NDUFA10: variants seen among roughly 807,000 people sequenced by gnomAD.
NDUFA10 encodes the protein NADH:ubiquinone oxidoreductase subunit A10, also known as NADH dehydrogenase [ubiquinone] 1 alpha subcomplex subunit 10, mitochondrial.
Under a neutral mutation model 47.8 loss-of-function variants are expected in NDUFA10, and 40 were observed. That is an observed-to-expected ratio of 0.84 (90% CI 0.65 to 1.09). NDUFA10 has a LOEUF of 1.09. Ranked by LOEUF, NDUFA10 falls within the 50% of genes least tolerant of loss-of-function variation. The pLI is 0.00. For missense variants in NDUFA10, 413 were observed against 451.1 expected, an observed-to-expected ratio of 0.92 and a Z score of 0.76; for synonymous variants, 183 against 172.2, an observed-to-expected ratio of 1.06 and a Z score of -0.49.
intron 4 of NDUFA10, among the ~76,000 whole-genome samples, chr2:239,948,881 T>A (rs1474090838): frequency 6.6e-6 from 1 of 152,186 alleles, no homozygotes; most frequent in Non-Finnish European, 1.5e-5. Flanking sequence ...CAGGGAACAG[T>A]TCACACAAAG....
At chr2:239,997,121 G>A (rs2106456167) in intron 8 of NDUFA10, among the ~76,000 whole-genome samples, 1 of 151,714 alleles carries the variant, frequency 6.6e-6, no homozygotes, top group East Asian at 1.9e-4. Flanking sequence ...TTGAATCCAA[G>A]GATGCGGAAC....
At chr2:239,991,288 C>T (rs1036051928) in intron 8 of NDUFA10, among the ~76,000 whole-genome samples, 1 of 152,148 alleles carries the variant, frequency 6.6e-6, no homozygotes, top group Non-Finnish European at 1.5e-5. Context: ...TAGTAAAAAC[C>T]GCGTCGCTCA....
At chr2:239,938,905 C>T (rs111251705) in intron 4 of NDUFA10, among the ~76,000 whole-genome samples, 1,911 of 152,344 alleles carry the variant, frequency 0.013, 42 homozygotes, top group African/African-American at 0.041. Flanking sequence ...GCGGCCCCCG[C>T]GGACGGCTTG....
chr2:239,910,055 G>A (rs1174241606), intron 4 of NDUFA10, among the ~76,000 whole-genome samples: 1 of 151,930 alleles, frequency 6.6e-6, no homozygotes, highest in Non-Finnish European at 1.5e-5. Context: ...TTAGTAAAAA[G>A]TCAAAAGACA....
intron 4 of NDUFA10, among the ~76,000 whole-genome samples, chr2:239,916,308 GAC>G (rs1331006263): frequency 2.1e-5 from 3 of 144,444 alleles, no homozygotes; most frequent in African/African-American, 5.7e-5. Flanking sequence ...GACACACACA[GAC>G]ACAGATACAC....
In NDUFA10 at chr2:239,899,058, GTGA is replaced by G. The variant is rs762473015; in HGVS notation, c.295-3747_295-3745del. ...TAAAGGAGGGGTGTGATGGAGGAGTGTGATGGAGGGGTGTGATGGAGGAGTGTG... is the reference window on the plus strand; with the variant it reads ...TAAAGGAGGGGTGTGATGGAGGAGTGTGGAGGGGTGTGATGGAGGAGTGTG... On this transcript the variant is annotated intron_variant, in intron 4 of 5. Coordinates refer to the NDUFA10 transcript ENST00000419408. Among the ~76,000 whole-genome samples the G allele has an allele frequency of 1.6e-3, 77 of 48,936 alleles. 8 individuals carry two copies. In the East Asian group the frequency reaches 0.024, roughly 15 times the overall value. The allele number at this position is 48,936 out of a possible 152,430, so 32.1% of individuals were successfully genotyped here.
downstream of NDUFA10, among the ~76,000 whole-genome samples, chr2:239,954,682 TAACTC>T (rs1360868712): frequency 7.9e-5 from 12 of 152,244 alleles, no homozygotes; most frequent in African/African-American, 2.7e-4. Context: ...TGTTTTAAGT[TAACTC>T]AACAGTCTGA....
rs550532335 is a variant in NDUFA10, at chr2:239,959,108, C to G, written c.*2010G>C. 7.4e-5 allele frequency: 73 copies of G among 985,466 alleles called. No homozygotes were observed. In the African/African-American group the frequency reaches 1.3e-3, roughly 17 times the overall value. 61.0% of individuals were successfully genotyped at this position (985,466 alleles called of 1,614,324 possible). A position where few individuals can be genotyped will look rare whatever the true frequency, so the allele number is the denominator to read the frequency against. On this transcript the variant is annotated 3_prime_UTR_variant, in exon 10 of 10. Coordinates refer to ENST00000252711, the MANE Select transcript of NDUFA10 (RefSeq NM_004544.4). The stretch of plus-strand genomic sequence containing the variant: ...CTGAACATGCATGTCATTGAAAACA[C>G]CAGAAAATCAAACAGACGAATGTCC...
At chr2:239,946,880 C>G (rs1229147509) in intron 4 of NDUFA10, among the ~76,000 whole-genome samples, 1 of 152,008 alleles carries the variant, frequency 6.6e-6, no homozygotes, top group African/African-American at 2.4e-5. Context: ...TCTTTGATGT[C>G]CTGCCTAACT....
chr2:239,947,271 G>A (rs142462351), intron 4 of NDUFA10, among the ~76,000 whole-genome samples: 1 of 152,206 alleles, frequency 6.6e-6, no homozygotes, highest in African/African-American at 2.4e-5. Flanking sequence ...GTCATACCAG[G>A]ACAGCCCTAT....
chr2:239,903,023 C>T (rs1026845624), intron 4 of NDUFA10, among the ~76,000 whole-genome samples: 5 of 152,134 alleles, frequency 3.3e-5, no homozygotes, highest in African/African-American at 4.8e-5. Flanking sequence ...GTTTCACAGA[C>T]GTGGAAAGGC....
chr2:239,988,944 A>C (rs775832437), intron 9 of NDUFA10, among the ~76,000 whole-genome samples: 8 of 150,850 alleles, frequency 5.3e-5, no homozygotes, highest in Admixed American at 2.6e-4. Flanking sequence ...GAAAGGGAGA[A>C]ACAGCACACA....
intron 9 of NDUFA10, among the ~76,000 whole-genome samples, chr2:239,978,010 T>A (rs1695598002): frequency 6.6e-6 from 1 of 152,052 alleles, no homozygotes; most frequent in African/African-American, 2.4e-5. Flanking sequence ...CAAACAGTGA[T>A]CTGGCCTGGC....
intron 4 of NDUFA10, among the ~76,000 whole-genome samples, chr2:239,933,517 T>TTG (rs1694212642): frequency 6.7e-6 from 1 of 149,052 alleles, no homozygotes; most frequent in African/African-American, 2.5e-5. Context: ...TTTTTTTGTT[T>TTG]TTTTGTTTTG....
downstream of NDUFA10, among the ~76,000 whole-genome samples, chr2:239,954,053 C>T (rs559936921): frequency 2.0e-5 from 3 of 151,620 alleles, no homozygotes; most frequent in Non-Finnish European, 2.9e-5. Context: ...TTCCCCCTGA[C>T]GGTCAGGCTG....
Position 239,957,526 on chromosome 2 carries a change from A to G in NDUFA10, c.*3592T>C, listed in dbSNP as rs960917822. 9 of 152,252 alleles carry G rather than the reference A, an allele frequency of 5.9e-5. No homozygotes were observed. Among genetic ancestry groups the G allele is most frequent in the African/African-American group, 2.2e-4 (9 of 41,470 alleles). 9.4% of individuals were successfully genotyped at this position (152,252 alleles called of 1,614,324 possible). A position where few individuals can be genotyped will look rare whatever the true frequency, so the allele number is the denominator to read the frequency against. ...CACTTGTGAAAAATTTACTATTAAA[A>G]TAATTTTTAAATTAAGAATTTTAAA... On this transcript the variant is annotated 3_prime_UTR_variant, in exon 10 of 10. Coordinates refer to ENST00000252711, the MANE Select transcript of NDUFA10 (RefSeq NM_004544.4).
chr2:239,932,070 G>A (rs776937746), intron 4 of NDUFA10, among the ~76,000 whole-genome samples: 2 of 150,928 alleles, frequency 1.3e-5, no homozygotes, highest in Non-Finnish European at 2.9e-5. Context: ...TCCTGACCTC[G>A]TGATCCACCC....
rs1694100570 is a variant in NDUFA10, at chr2:239,928,383, A to G, written c.295-33069T>C. Among the ~76,000 whole-genome samples, 1 of 152,234 alleles carries G rather than the reference A, an allele frequency of 6.6e-6. No individual in the cohort carries two copies. The highest frequency in any genetic ancestry group is 6.5e-5 in the Admixed American group (1 of 15,290). On this transcript the variant is annotated intron_variant, in intron 4 of 5. Coordinates refer to the NDUFA10 transcript ENST00000419408. This position sits in a 1 kb window ranked among gnomAD's most constrained non-coding sequence, Gnocchi z 4.3. ...CAAGATGAAATACAGAGCTGGAAAG[A>G]GAACACAAAGAGGAAAAAGGAAAAC...
At chr2:240,005,353 A>G (rs2106471300) in intron 7 of NDUFA10, 58 bp from the exon 8 acceptor site, 1 of 1,452,490 alleles carries the variant, frequency 6.9e-7, no homozygotes, top group East Asian at 2.3e-5. Context: ...ATTTAAATGA[A>G]ATAACTTTTT....
Sources: gnomAD v4.1 joint callset for allele counts (sites outside exome capture counted in the v4.1 genomes callset) on GRCh38, gnomAD v4.1.1 for gene constraint, Gnocchi (gnomAD v3.1) non-coding constraint, MANE v1.5 for transcripts, NCBI Gene and HGNC (gene_info 2026-07-23, HGNC 2026-07-21) for gene names.